The following ZBTB46 variants were observed in gnomAD, a reference collection of about 807,000 sequenced individuals.
ZBTB46 encodes zinc finger and BTB domain containing 46, also known as zinc finger and BTB domain-containing protein 46.
Under a neutral mutation model 44.1 loss-of-function variants are expected in ZBTB46, and 8 were observed. That is an observed-to-expected ratio of 0.18 (90% confidence interval 0.11 to 0.33). ZBTB46 has a LOEUF of 0.33. ZBTB46 is among the 10% of genes least tolerant of loss of function. ZBTB46 has a pLI of 1.00. For missense variants in ZBTB46, 651 were observed against 847.7 expected (o/e 0.77, Z 2.88); for synonymous variants, 409 against 382.3 (o/e 1.07, Z -0.81).
At chr20:63,782,284 G>C (rs901661130) in intron 2 of ZBTB46, among the ~76,000 whole-genome samples, 6 of 151,952 alleles carry the variant, frequency 3.9e-5, no homozygotes, top group South Asian at 2.1e-4. Context: ...TCCTGGATGA[G>C]CCACGTGGGC....
chr20:63,756,889 T>A (rs1189091453), intron 3 of ZBTB46, among the ~76,000 whole-genome samples: 2 of 152,258 alleles, frequency 1.3e-5, no homozygotes, highest in African/African-American at 4.8e-5. Context: ...CACATGTCCA[T>A]CCTGTAGATA....
chr20:63,751,219 G>A (rs6062511), intron 4 of ZBTB46, among the ~76,000 whole-genome samples: 2 of 150,864 alleles, frequency 1.3e-5, no homozygotes, highest in East Asian at 2.0e-4. Context: ...CGGAAAACAA[G>A]GCTGGGGCCC....
intron 3 of ZBTB46, among the ~76,000 whole-genome samples, chr20:63,762,874 T>G (rs1226783604): frequency 2.0e-5 from 3 of 152,186 alleles, no homozygotes; most frequent in African/African-American, 7.2e-5. Context: ...CTTTTTTTCT[T>G]TTGTAGAGAT....
intron 1 of ZBTB46, among the ~76,000 whole-genome samples, chr20:63,822,820 C>G (rs2092799677): frequency 6.6e-6 from 1 of 151,972 alleles, no homozygotes. Context: ...TTGAGACCAG[C>G]CTGGGCAACA....
At chr20:63,793,968 T>C (rs907009472) in intron 1 of ZBTB46, among the ~76,000 whole-genome samples, 2 of 152,088 alleles carry the variant, frequency 1.3e-5, no homozygotes, top group African/African-American at 2.4e-5. Flanking sequence ...GGGTGGATCA[T>C]GAGGTCAGGA....
intron 1 of ZBTB46, among the ~76,000 whole-genome samples, chr20:63,801,596 C>T (rs1001109580): frequency 6.6e-6 from 1 of 152,162 alleles, no homozygotes; most frequent in African/African-American, 2.4e-5. Context: ...CTCTTTGGGT[C>T]CACACTGTCT....
At chr20:63,797,271 T>C (rs2092611051) in intron 1 of ZBTB46, among the ~76,000 whole-genome samples, 1 of 151,456 alleles carries the variant, frequency 6.6e-6, no homozygotes. Flanking sequence ...TCTGTCCTTG[T>C]GATAGTTTGC....
chr20:63,831,361 C>T (rs2146122688), upstream of ZBTB46: 2 of 141,970 alleles, frequency 1.4e-5, no homozygotes, highest in South Asian at 4.3e-4. Context: ...CGCCCGGCCG[C>T]CGCTGATTGG....
intron 1 of ZBTB46, among the ~76,000 whole-genome samples, chr20:63,804,858 C>T (rs1230406701): frequency 6.6e-6 from 1 of 151,328 alleles, no homozygotes; most frequent in Non-Finnish European, 1.5e-5. Flanking sequence ...CACCACTGCA[C>T]TCCAGCCTGG....
Position 63,818,446 on chromosome 20 carries a change from C to G in ZBTB46, c.-34+12651G>C, listed in dbSNP as rs545608350. Among the ~76,000 whole-genome samples, 8 of 152,344 alleles carry G rather than the reference C, an allele frequency of 5.3e-5. No homozygotes were observed. The East Asian group carries it at 7.7e-4, about 15-fold the overall frequency. On this transcript the variant is annotated intron_variant, in intron 1 of 4. Coordinates refer to ENST00000245663, the MANE Select transcript of ZBTB46 (RefSeq NM_001369741.1). ...TCAGTTCTGCAGAGGGAGGGTGGGC[C>G]AGGCCAGTGCGGACCCCCAGGGCAT...
chr20:63,822,646 C>T (rs2092798591), intron 1 of ZBTB46, among the ~76,000 whole-genome samples: 1 of 152,132 alleles, frequency 6.6e-6, no homozygotes, highest in Non-Finnish European at 1.5e-5. Context: ...GCACTGACCA[C>T]ACGGCGAGCA....
chr20:63,830,568 C>G (rs1455805957), intron 1 of ZBTB46, among the ~76,000 whole-genome samples: 2 of 150,512 alleles, frequency 1.3e-5, no homozygotes, highest in Admixed American at 1.3e-4. Context: ...TCCCGCAGTT[C>G]CGACTCTTGG....
At position 63,773,756 on chromosome 20, in the gene ZBTB46, G is replaced by A. The variant is rs374789290; in HGVS notation, c.1222+1922C>T. On this transcript the variant is annotated intron_variant, in intron 3 of 4. Coordinates refer to ENST00000245663, the MANE Select transcript of ZBTB46 (RefSeq NM_001369741.1). ...CCGACCGCACCCACGGGCATGCGCC[G>A]CTGGCCGCACCCAGCCTGTCCCTCC... Among the ~76,000 whole-genome samples the A allele has an allele frequency of 3.1e-4, 47 of 151,998 alleles. No homozygotes were observed. The East Asian group carries it at 5.8e-3, about 19-fold the overall frequency.
chr20:63,767,573 C>T lies in ZBTB46; in HGVS notation c.1222+8105G>A, dbSNP rs2092330775. ...CCTGGGCAGCTGCACCCAGCTGGAG[C>T]CCGGGACCCGGACGCCAAAGCTCTG... is the stretch of plus-strand genomic sequence containing the variant. On this transcript the variant is annotated intron_variant, in intron 3 of 4. Transcript: ENST00000245663. The surrounding 1 kb of genome is among the most constrained non-coding windows in gnomAD (Gnocchi z 5.0). 6.6e-6 allele frequency among the ~76,000 whole-genome samples: 1 copy of T among 152,210 alleles called. No homozygotes were observed. Among genetic ancestry groups the T allele is most frequent in the African/African-American group, 2.4e-5 (1 of 41,448 alleles).
intron 2 of ZBTB46, among the ~76,000 whole-genome samples, chr20:63,782,205 G>A (rs1325201124): frequency 6.6e-6 from 1 of 151,434 alleles, no homozygotes; most frequent in East Asian, 1.9e-4. Flanking sequence ...CAACCCCCGA[G>A]CCGTGGTTTT....
intron 2 of ZBTB46, among the ~76,000 whole-genome samples, chr20:63,784,116 C>T (rs2092492927): frequency 6.6e-6 from 1 of 152,200 alleles, no homozygotes; most frequent in Non-Finnish European, 1.5e-5. Context: ...GAGGGAACAC[C>T]AGAAGGGGAC....
intron 3 of ZBTB46, among the ~76,000 whole-genome samples, chr20:63,761,769 G>A (rs1273020503): frequency 1.4e-5 from 2 of 139,952 alleles, no homozygotes; most frequent in African/African-American, 2.8e-5. Context: ...GTGACAGAGC[G>A]AGACTCTGCC....
rs1440692915 is a variant in ZBTB46, at chr20:63,789,849, C to T, written c.909G>A (p.Ser303=). The change falls in exon 2 of 5, where the codon TCG becomes TCA. Residue 303 remains serine, a synonymous_variant. Transcript: ENST00000245663. The part of the protein sequence containing the change: ...SSPVPSFLPT[S]GWPFSSRDSN... ...AGTCTCGGCTGCTGAACGGCCACCC[C>T]GACGTCGGCAGGAAGGACGGCACCG... 7 of 1,611,874 alleles carry T rather than the reference C, an allele frequency of 4.3e-6. No homozygotes were observed. The highest frequency in any genetic ancestry group is 1.6e-4 in the Middle Eastern group (1 of 6,078).
intron 1 of ZBTB46, among the ~76,000 whole-genome samples, chr20:63,796,781 T>C (rs917812311): frequency 5.3e-5 from 8 of 152,012 alleles, no homozygotes; most frequent in Non-Finnish European, 7.4e-5. Flanking sequence ...GCCGAGATCA[T>C]ACCATTGCAC....
Sources: allele counts gnomAD v4.1 joint callset (sites outside exome capture counted in the v4.1 genomes callset), GRCh38; gene constraint gnomAD v4.1.1; non-coding constraint Gnocchi (gnomAD v3.1); transcripts MANE v1.5; gene names NCBI Gene and HGNC (gene_info 2026-07-23, HGNC 2026-07-21).